SRGAP2: variants seen among roughly 807,000 people sequenced by gnomAD.
The protein encoded by SRGAP2 is SLIT-ROBO Rho GTPase-activating protein 2.
SRGAP2 carries 15 observed loss-of-function variants against 57.2 expected under a neutral mutation model. The ratio of observed to expected loss-of-function variants is 0.26; its 90% CI spans 0.18 to 0.40. SRGAP2 has a LOEUF of 0.40. Ranked by LOEUF, SRGAP2 falls within the 10% of genes least tolerant of loss-of-function variation. The pLI, the probability that SRGAP2 is intolerant of heterozygous loss-of-function variation, is 1.00. For missense variants in SRGAP2, 520 were observed against 669.6 expected, an observed-to-expected ratio of 0.78 and a Z score of 2.47; for synonymous variants, 249 against 248.0, an observed-to-expected ratio of 1.00 and a Z score of -0.04.
chr1:206,411,505 C>T (rs893739529), intron 10 of SRGAP2, among the ~76,000 whole-genome samples: 2 of 152,194 alleles, frequency 1.3e-5, no homozygotes, highest in Non-Finnish European at 2.9e-5. Flanking sequence ...TGTATTCTAT[C>T]TGACAGCTGT....
At chr1:206,309,249 T>G (rs1243481166) in intron 3 of SRGAP2, among the ~76,000 whole-genome samples, 1 of 149,428 alleles carries the variant, frequency 6.7e-6, no homozygotes, top group East Asian at 2.0e-4. Context: ...TTAGTAGAGA[T>G]ATGAGAACAC....
chr1:206,460,594 T>C (rs569442118), intron 22 of SRGAP2, among the ~76,000 whole-genome samples: 19 of 152,234 alleles, frequency 1.2e-4, no homozygotes, highest in Admixed American at 8.5e-4. Context: ...AGATCATACA[T>C]CATCTCTACC....
intron 2 of SRGAP2, among the ~76,000 whole-genome samples, chr1:206,295,422 A>G (rs1258716742): frequency 6.6e-6 from 1 of 151,620 alleles, no homozygotes; most frequent in Non-Finnish European, 1.5e-5. Context: ...ATGGGGTTTT[A>G]CCATGTTGGC....
chr1:206,422,281 T>C (rs1251947791), intron 13 of SRGAP2, among the ~76,000 whole-genome samples: 1 of 152,234 alleles, frequency 6.6e-6, no homozygotes, highest in Admixed American at 6.5e-5. Context: ...ACTTGGATGA[T>C]ACAGGCCTCG....
intron 13 of SRGAP2, among the ~76,000 whole-genome samples, chr1:206,426,110 ACTT>A (rs1312906446): frequency 3.3e-5 from 5 of 151,958 alleles, no homozygotes; most frequent in Non-Finnish European, 5.9e-5. Flanking sequence ...GCCCAACCTC[ACTT>A]CTTGACCCCT....
At chr1:206,435,233 C>G (rs1184489449) in intron 14 of SRGAP2, among the ~76,000 whole-genome samples, 1 of 152,186 alleles carries the variant, frequency 6.6e-6, no homozygotes, top group Non-Finnish European at 1.5e-5. Context: ...TGTGGTTTAC[C>G]TCCAAAGGTC....
Position 206,461,458 on chromosome 1 carries a change from AG to A in SRGAP2, c.*41del. 1 of 693,146 alleles carries A rather than the reference AG, an allele frequency of 1.4e-6. No homozygotes were observed. Among genetic ancestry groups the A allele is most frequent in the Non-Finnish European group, 2.7e-6 (1 of 373,930 alleles). 42.9% of individuals were successfully genotyped at this position (693,146 alleles called of 1,614,324 possible). ...TAATTGTTCTAGACAAGGGGACTAT[AG>A]GGACTGACTGTTATTAAAATCTTCC... On this transcript the variant is annotated 3_prime_UTR_variant, in exon 23 of 23. Transcript: ENST00000573034.
intron 2 of SRGAP2, among the ~76,000 whole-genome samples, chr1:206,229,873 C>G (rs1667512914): frequency 6.6e-6 from 1 of 151,254 alleles, no homozygotes; most frequent in Admixed American, 6.6e-5. Flanking sequence ...CTACAACAGG[C>G]AGTTGCAGCA....
intron 14 of SRGAP2, among the ~76,000 whole-genome samples, chr1:206,434,448 C>G (rs1661554621): frequency 6.6e-6 from 1 of 152,162 alleles, no homozygotes; most frequent in Non-Finnish European, 1.5e-5. Flanking sequence ...GTGCCATTTC[C>G]AAATAGCTTA....
At position 206,461,386 on chromosome 1, in the gene SRGAP2, C is replaced by T; in HGVS notation, c.3182C>T (p.Ser1061Phe). 2 of 780,098 alleles carry T rather than the reference C, an allele frequency of 2.6e-6. No homozygotes were observed. Among genetic ancestry groups the T allele is most frequent in the Non-Finnish European group, 4.8e-6 (2 of 417,460 alleles). The allele number at this position is 780,098 out of a possible 1,614,324, so 48.3% of individuals were successfully genotyped here. Residue 1061 changes from serine to phenylalanine, a missense_variant, in exon 23 of 23, where the codon TCC becomes TTC. Ser to Phe is a radical substitution (Grantham distance 155). Transcript: ENST00000573034. ...AGCCCTGGTGTCAACTCATCAACTT[C>T]CCCACAGTCTACTGACAAGTCTTGT... ...ATSPGVNSST[S>F]PQSTDKSCTV
intron 10 of SRGAP2, among the ~76,000 whole-genome samples, chr1:206,413,065 C>T (rs1553360160): frequency 6.6e-6 from 1 of 152,110 alleles, no homozygotes; most frequent in Admixed American, 6.5e-5. Context: ...CAAGTGATAG[C>T]CAGAGTTAAC....
chr1:206,267,162 G>A (rs1262387325), intron 2 of SRGAP2, among the ~76,000 whole-genome samples: 3 of 151,942 alleles, frequency 2.0e-5, no homozygotes, highest in African/African-American at 4.8e-5. Context: ...TAGAGACGGG[G>A]TTTCACTGTG....
At chr1:206,437,408 A>C (rs562452407) in intron 15 of SRGAP2, among the ~76,000 whole-genome samples, 1 of 152,386 alleles carries the variant, frequency 6.6e-6, no homozygotes, top group African/African-American at 2.4e-5. Flanking sequence ...TTTGTGGGCT[A>C]TTAAGGTAAT....
chr1:206,411,496 G>A (rs1266392447), intron 10 of SRGAP2, among the ~76,000 whole-genome samples: 1 of 152,176 alleles, frequency 6.6e-6, no homozygotes, highest in African/African-American at 2.4e-5. Flanking sequence ...ACTCTATTAT[G>A]TATTCTATCT....
rs956481916 is a variant in SRGAP2, at chr1:206,440,096, C to T, written c.1874+15C>T. 1 of 779,950 alleles carries T rather than the reference C, an allele frequency of 1.3e-6. No individual in the cohort carries two copies. The highest frequency in any genetic ancestry group is 1.7e-5 in the African/African-American group (1 of 59,144). The allele number at this position is 779,950 out of a possible 1,614,324, so 48.3% of individuals were successfully genotyped here. A position where few individuals can be genotyped will look rare whatever the true frequency, so the allele number is the denominator to read the frequency against. On this transcript the variant is annotated intron_variant, in intron 17 of 22. Coordinates refer to ENST00000573034, the MANE Select transcript of SRGAP2 (RefSeq NM_015326.5). ...TTCCTCAATCAGTGAGTAGCCTTCC[C>T]AGTGAACAGCTGGATCAGGCTTTGG...
At chr1:206,383,652 C>T (rs1462245631) in intron 4 of SRGAP2, among the ~76,000 whole-genome samples, 1 of 149,622 alleles carries the variant, frequency 6.7e-6, no homozygotes, top group Non-Finnish European at 1.5e-5. Flanking sequence ...TTGAAATCTT[C>T]TGGAATGCTT....
intron 18 of SRGAP2, among the ~76,000 whole-genome samples, chr1:206,449,286 A>ATTTT (rs35698284): frequency 8.1e-5 from 9 of 110,706 alleles, no homozygotes; most frequent in South Asian, 6.3e-4. Flanking sequence ...ACACTGGATG[A>ATTTT]TTTTTTTTTT....
At chr1:206,416,821 G>A (rs951140964) in intron 11 of SRGAP2, among the ~76,000 whole-genome samples, 2 of 152,120 alleles carry the variant, frequency 1.3e-5, no homozygotes, top group Non-Finnish European at 2.9e-5. Flanking sequence ...GGAGGGAGTG[G>A]AAGGGAGAAG....
At chr1:206,359,016 G>A (rs1227158852) in intron 4 of SRGAP2, among the ~76,000 whole-genome samples, 1 of 152,222 alleles carries the variant, frequency 6.6e-6, no homozygotes, top group African/African-American at 2.4e-5. Flanking sequence ...TGAGTCAGGA[G>A]AGCTTCATAG....
Sources: allele counts gnomAD v4.1 joint callset (sites outside exome capture counted in the v4.1 genomes callset), GRCh38; gene constraint gnomAD v4.1.1; transcripts MANE v1.5; gene names NCBI Gene and HGNC (gene_info 2026-07-23, HGNC 2026-07-21).